The following ADAMTSL2 variants were observed in gnomAD, a reference collection of about 807,000 sequenced individuals.
The protein encoded by ADAMTSL2 is ADAMTS-like protein 2.
ADAMTSL2 carries 55 observed loss-of-function variants against 117.0 expected under a neutral mutation model. The observed-to-expected ratio is 0.47, with a 90% CI of 0.38 to 0.59. The LOEUF (loss-of-function observed/expected upper bound fraction) is 0.59, where lower values mean the gene tolerates loss of function less well. Ranked by LOEUF, ADAMTSL2 falls within the 20% of genes least tolerant of loss-of-function variation. ADAMTSL2 has a pLI of 0.00. For missense variants in ADAMTSL2, 1,182 were observed against 1,354.5 expected (o/e 0.87, Z 2.00); for synonymous variants, 572 against 566.4 (o/e 1.01, Z -0.14).
intron 6 of ADAMTSL2, 51 bp from the exon 7 acceptor site, chr9:133,540,827 G>T (rs997450240): frequency 3.1e-6 from 5 of 1,613,194 alleles, no homozygotes; most frequent in Non-Finnish European, 4.2e-6. Flanking sequence ...GCGGCCCCGG[G>T]GCCTGGCCAC....
intron 7 of ADAMTSL2, 27 bp from the exon 8 acceptor site, chr9:133,544,443 G>T (rs1413259549): frequency 6.3e-7 from 1 of 1,588,042 alleles, no homozygotes; most frequent in Admixed American, 1.7e-5. Flanking sequence ...AATCAAGAGG[G>T]GCTCACTGTC....
chr9:133,539,577 C>T (rs969494518), intron 4 of ADAMTSL2, among the ~76,000 whole-genome samples, 194 bp from the exon 5 acceptor site: 6 of 113,736 alleles, frequency 5.3e-5, no homozygotes, highest in East Asian at 3.1e-4. Flanking sequence ...CCCTTTCCTG[C>T]GTCCTTGCTC....
At chr9:133,533,025 A>G (rs1829972455), upstream of ADAMTSL2, among the ~76,000 whole-genome samples, 1 of 152,224 alleles carries the variant, frequency 6.6e-6, no homozygotes, top group Admixed American at 6.5e-5. Context: ...ATGTGAGGCC[A>G]CAAACGCCAG....
intron 12 of ADAMTSL2, among the ~76,000 whole-genome samples, chr9:133,564,471 A>G (rs1257704778): frequency 1.9e-5 from 1 of 53,778 alleles, no homozygotes; most frequent in African/African-American, 7.0e-5. Context: ...AGGGAGAGAG[A>G]GAGAGGGAGA....
chr9:133,560,418 C>T (rs1830699394), intron 11 of ADAMTSL2, among the ~76,000 whole-genome samples: 1 of 152,250 alleles, frequency 6.6e-6, no homozygotes, highest in African/African-American at 2.4e-5. Context: ...TGTGGAGCTG[C>T]TGCCGCCTCT....
At chr9:133,564,279 GGA>G (rs1337065147) in intron 12 of ADAMTSL2, among the ~76,000 whole-genome samples, 3 of 10,408 alleles carry the variant, frequency 2.9e-4, no homozygotes, top group East Asian at 1.8e-3. Flanking sequence ...AGAGAAAGAG[GGA>G]GAGAGAGAGG....
At chr9:133,561,006 G>A (rs1273890700) in intron 11 of ADAMTSL2, among the ~76,000 whole-genome samples, 192 bp from the exon 12 acceptor site, 1 of 152,246 alleles carries the variant, frequency 6.6e-6, no homozygotes, top group Non-Finnish European at 1.5e-5. Context: ...CCCTCTGCGG[G>A]CGCCTCATCC....
intron 1 of ADAMTSL2, 145 bp downstream of exon 1, chr9:133,535,062 G>T (rs569518156): frequency 7.8e-6 from 10 of 1,276,532 alleles, no homozygotes; most frequent in East Asian, 3.1e-5. Context: ...GGGTCGGGCC[G>T]CAGAGCACGG....
chr9:133,532,767 G>A (rs1246867025), upstream of ADAMTSL2, among the ~76,000 whole-genome samples: 1 of 152,178 alleles, frequency 6.6e-6, no homozygotes, highest in African/African-American at 2.4e-5. Context: ...AAGTCTGCAG[G>A]CTCTGGGGTA....
intron 11 of ADAMTSL2, 147 bp downstream of exon 11, chr9:133,556,077 G>C (rs1830599624): frequency 1.8e-6 from 2 of 1,119,054 alleles, no homozygotes; most frequent in Middle Eastern, 3.0e-4. Flanking sequence ...CTTCTTCCCG[G>C]GGTTCTCCAC....
At chr9:133,555,191 G>A (rs1335731787) in intron 10 of ADAMTSL2, among the ~76,000 whole-genome samples, 8 of 151,850 alleles carry the variant, frequency 5.3e-5, no homozygotes, top group African/African-American at 1.9e-4. Context: ...GTCCCCTTCT[G>A]ATAAGGATAT....
rs1830642573 is a variant in ADAMTSL2 at position 133,557,986 on chromosome 9, C to T, written c.1649+2056C>T. ...GCTTGTCAGGGGCTGCCCTTTGGGC[C>T]CACCAGGTCAAATATTCAGTGATCC... On this transcript the variant is annotated intron_variant, in intron 11 of 18. Transcript: ENST00000651351. The surrounding 1 kb of genome is among the most constrained non-coding windows in gnomAD (Gnocchi z 5.2). 1.3e-5 allele frequency among the ~76,000 whole-genome samples: 2 copies of T among 152,044 alleles called. No individual in the cohort carries two copies. The highest frequency in any genetic ancestry group is 4.1e-4 in the South Asian group (2 of 4,824).
Position 133,555,619 on chromosome 9 carries a change from C to T in ADAMTSL2, c.1338C>T (p.His446=), listed in dbSNP as rs1002173637. ...GDKDDEEVDT[H]FASQEFFSAN... is the part of the protein sequence containing the mutation. ...AGGATGACGAAGAGGTTGACACCCA[C>T]TTCGCCTCCCAGGAGTTCTTCTCGG... Residue 446 remains histidine (H), a synonymous_variant, in exon 11 of 19, where the codon CAC becomes CAT. Coordinates refer to ENST00000651351, the MANE Select transcript of ADAMTSL2 (RefSeq NM_014694.4). 67 of 1,613,340 alleles carry T rather than the reference C, an allele frequency of 4.2e-5. No individual in the cohort carries two copies. The Middle Eastern group carries it at 4.9e-4, about 12-fold the overall frequency.
chr9:133,571,047 A>G (rs2131186288), intron 17 of ADAMTSL2, among the ~76,000 whole-genome samples: 1 of 152,136 alleles, frequency 6.6e-6, no homozygotes, highest in East Asian at 1.9e-4. Flanking sequence ...GGGCCCCCAG[A>G]ATGCCCCAGC....
At chr9:133,546,606 C>T (rs960909542) in intron 8 of ADAMTSL2, among the ~76,000 whole-genome samples, 1 of 151,948 alleles carries the variant, frequency 6.6e-6, no homozygotes, top group Non-Finnish European at 1.5e-5. Flanking sequence ...CCAGCCAGGC[C>T]AGGGCTGCAG....
chr9:133,544,633 C>T, intron 8 of ADAMTSL2, 83 bp downstream of exon 8: 1 of 1,191,980 alleles, frequency 8.4e-7, no homozygotes, highest in South Asian at 1.2e-5. Context: ...GCACTTGACC[C>T]TGGACCCCTT....
chr9:133,567,127 A>G, intron 13 of ADAMTSL2, 65 bp downstream of exon 13: 3 of 1,554,614 alleles, frequency 1.9e-6, no homozygotes, highest in South Asian at 2.3e-5. Flanking sequence ...TGCCCAAAGG[A>G]GCAGTCAGAC....
At chr9:133,538,805 A>AC (rs1245098250) in intron 4 of ADAMTSL2, among the ~76,000 whole-genome samples, 1 of 150,970 alleles carries the variant, frequency 6.6e-6, no homozygotes, top group Non-Finnish European at 1.5e-5. Context: ...ATGAAACAGT[A>AC]CCCCCCACGC....
chr9:133,539,620 C>T (rs1830148573), intron 4 of ADAMTSL2, 151 bp from the exon 5 acceptor site: 7 of 259,436 alleles, frequency 2.7e-5, no homozygotes, highest in South Asian at 1.3e-4. Context: ...GCGCAGGAGC[C>T]CTAGAGGCCA....
Sources: gnomAD v4.1 joint callset for allele counts (sites outside exome capture counted in the v4.1 genomes callset) on GRCh38, gnomAD v4.1.1 for gene constraint, Gnocchi (gnomAD v3.1) non-coding constraint, MANE v1.5 for transcripts, NCBI Gene and HGNC (gene_info 2026-07-23, HGNC 2026-07-21) for gene names.